Variants in SNURF observed in about 807,000 individuals in gnomAD.
SNURF encodes the protein SNRPN upstream open reading frame.
In SNURF, 6 loss-of-function variants were observed where a neutral mutation model predicts 11.6. The ratio of observed to expected loss-of-function variants is 0.52; its 90% CI spans 0.28 to 1.02. SNURF has a LOEUF of 1.02. Among genes scored for constraint, SNURF ranks in the 50% least tolerant of loss-of-function variants. The pLI, the probability that SNURF is intolerant of heterozygous loss-of-function variation, is 0.09. For synonymous variants in SNURF, 29 were observed against 31.6 expected (o/e 0.92, Z 0.27); for missense variants, 84 against 88.4 (o/e 0.95, Z 0.20).
Position 24,975,240 on chromosome 15 carries a change from T to C in SNURF, c.*46-118T>C. The C allele has an allele frequency of 6.7e-6, 5 of 748,222 alleles. No individual in the cohort carries two copies. In the East Asian group the frequency reaches 1.2e-4, roughly 18 times the overall value. The allele number at this position is 748,222 out of a possible 1,614,324, so 46.3% of individuals were successfully genotyped here. A position where few individuals can be genotyped will look rare whatever the true frequency, so the allele number is the denominator to read the frequency against. On this transcript the variant is annotated intron_variant and NMD_transcript_variant, in intron 3 of 6. Coordinates refer to the SNURF transcript ENST00000580062. ...AGAATGTTGGTGAAAAAGGAGAGAATATTTGTTTAGTTAAGGAAACCAGGC... is the reference window on the plus strand; with the variant it reads ...AGAATGTTGGTGAAAAAGGAGAGAACATTTGTTTAGTTAAGGAAACCAGGC...
At chr15:24,956,356 G>GGGC (rs1555404328) in intron 1 of SNURF, among the ~76,000 whole-genome samples, 1 of 149,642 alleles carries the variant, frequency 6.7e-6, no homozygotes, top group African/African-American at 2.5e-5. Context: ...CGCTTCAGCG[G>GGGC]GGGGGTGGCC....
intron 1 of SNURF, among the ~76,000 whole-genome samples, chr15:24,960,790 C>G (rs2074655630): frequency 6.6e-6 from 1 of 152,072 alleles, no homozygotes; most frequent in Non-Finnish European, 1.5e-5. Context: ...TGAAAAAATA[C>G]TTTTTTGAGG....
chr15:24,969,891 A>G (rs1450160127), downstream of SNURF, among the ~76,000 whole-genome samples: 2 of 152,212 alleles, frequency 1.3e-5, no homozygotes, highest in Non-Finnish European at 2.9e-5. Flanking sequence ...ATCTTTGGCC[A>G]CATTGGTGCT....
chr15:24,978,323 G>A (rs768794577), downstream of SNURF: 4 of 1,614,154 alleles, frequency 2.5e-6, no homozygotes, highest in Admixed American at 1.7e-5. Context: ...TTAGAGGTGA[G>A]TGGGAGCATA....
At chr15:24,974,110 C>T (rs1198078641) in intron 3 of SNURF, among the ~76,000 whole-genome samples, 1 of 152,162 alleles carries the variant, frequency 6.6e-6, no homozygotes, top group Non-Finnish European at 1.5e-5. Context: ...AATTCAATGA[C>T]TTTCATCAGT....
chr15:24,970,934 C>T (rs1461749028), downstream of SNURF, among the ~76,000 whole-genome samples: 1 of 151,976 alleles, frequency 6.6e-6, no homozygotes. Flanking sequence ...TTTGCATACT[C>T]TTCGATGGAG....
intron 1 of SNURF, among the ~76,000 whole-genome samples, chr15:24,961,461 A>G (rs1383504333): frequency 6.6e-6 from 1 of 152,126 alleles, no homozygotes; most frequent in Non-Finnish European, 1.5e-5. Context: ...TGCAGTCCCT[A>G]ATATGGCTAG....
At chr15:24,962,257 CA>C in intron 2 of SNURF, 48 bp downstream of exon 2, 1 of 1,448,272 alleles carries the variant, frequency 6.9e-7, no homozygotes, top group Non-Finnish European at 9.7e-7. Flanking sequence ...AATCTCCTTT[CA>C]GATTAGAACA....
At chr15:24,961,940 TA>T (rs1429315265) in intron 1 of SNURF, among the ~76,000 whole-genome samples, 173 bp from the exon 2 acceptor site, 1 of 152,228 alleles carries the variant, frequency 6.6e-6, no homozygotes, top group African/African-American at 2.4e-5. Flanking sequence ...AAAAAGTGGT[TA>T]TAGCATAGAT....
downstream of SNURF, chr15:24,978,698 G>A (rs2077331777): frequency 5.7e-6 from 3 of 522,966 alleles, no homozygotes; most frequent in African/African-American, 3.9e-5. Flanking sequence ...TTAATTCTTA[G>A]GATAAAAAGG....
chr15:24,955,449 G>T (rs1477377260), intron 1 of SNURF, among the ~76,000 whole-genome samples: 2 of 151,876 alleles, frequency 1.3e-5, no homozygotes, highest in Non-Finnish European at 1.5e-5. Flanking sequence ...TACGTGGGGG[G>T]ACCAGTGCAT....
chr15:24,974,570 A>T, intron 3 of SNURF: 1 of 961,714 alleles, frequency 1.0e-6, no homozygotes, highest in East Asian at 2.4e-5. Flanking sequence ...GGATACATCC[A>T]TGGATATGGA....
At chr15:24,976,742 T>C (rs2077104957) in intron 5 of SNURF, 1 of 782,280 alleles carries the variant, frequency 1.3e-6, no homozygotes, top group Non-Finnish European at 2.1e-6. Context: ...TACTTGCTTG[T>C]TTGTTCATTT....
downstream of SNURF, among the ~76,000 whole-genome samples, chr15:24,970,307 TG>T (rs1411420762): frequency 2.0e-5 from 3 of 152,138 alleles, no homozygotes; most frequent in East Asian, 5.8e-4. Context: ...TGGCCGGGTG[TG>T]GTGGCTCACG....
chr15:24,967,678 G>A (rs1413020046), intron 2 of SNURF, among the ~76,000 whole-genome samples: 4 of 151,172 alleles, frequency 2.6e-5, no homozygotes, highest in Admixed American at 2.0e-4. Context: ...TGTGGTGGTA[G>A]GTGCCTGTAA....
intron 4 of SNURF, chr15:24,975,576 G>A: frequency 1.5e-6 from 2 of 1,369,548 alleles, no homozygotes; most frequent in South Asian, 2.4e-5. Flanking sequence ...CAGAGCTGGA[G>A]TAAGGGATTT....
downstream of SNURF, among the ~76,000 whole-genome samples, chr15:24,972,255 CAAAA>C (rs5811371): frequency 9.2e-6 from 1 of 108,254 alleles, no homozygotes. Context: ...GACTCTGTCT[CAAAA>C]AAAAAAAAAA....
At chr15:24,978,010 G>A, downstream of SNURF, 5 of 1,299,936 alleles carry the variant, frequency 3.8e-6, no homozygotes, top group South Asian at 1.4e-5. Context: ...AGAATTTGGG[G>A]AATATGCTTC....
chr15:24,975,553 G>A (rs763742064), intron 4 of SNURF: 1 of 1,548,868 alleles, frequency 6.5e-7, no homozygotes, highest in South Asian at 1.1e-5. Flanking sequence ...CAGAGGCAGT[G>A]GGAAGGGAAG....
Sources: allele counts gnomAD v4.1 joint callset (sites outside exome capture counted in the v4.1 genomes callset), GRCh38; gene constraint gnomAD v4.1.1; transcripts MANE v1.5; gene names NCBI Gene and HGNC (gene_info 2026-07-23, HGNC 2026-07-21).